The following CCDC141 variants were observed in gnomAD, a reference collection of about 807,000 sequenced individuals.
The protein encoded by CCDC141 is coiled-coil domain-containing protein 141.
CCDC141 carries 168 observed loss-of-function variants against 181.0 expected under a neutral mutation model. That is an observed-to-expected ratio of 0.93 (90% confidence interval 0.82 to 1.05). The LOEUF (loss-of-function observed/expected upper bound fraction) is 1.05. Ranked by LOEUF, CCDC141 falls within the 50% of genes least tolerant of loss-of-function variation. The probability of loss-of-function intolerance (pLI) is 0.00; values close to 1 mark genes in which losing one functional copy is unlikely to be tolerated. For missense variants in CCDC141, 1,902 were observed against 1,788.5 expected (o/e 1.06, Z -1.14); for synonymous variants, 666 against 642.3 (o/e 1.04, Z -0.56).
chr2:178,983,115 T>C (rs992501867), intron 2 of CCDC141, among the ~76,000 whole-genome samples: 4 of 152,174 alleles, frequency 2.6e-5, no homozygotes, highest in Admixed American at 6.5e-5. Flanking sequence ...CAGCTGGAGA[T>C]CTGAGAACTG....
the CCDC141 span, among the ~76,000 whole-genome samples, chr2:178,819,055 T>G: frequency 2.4e-4 from 36 of 152,326 alleles, no homozygotes; most frequent in Non-Finnish European, 4.7e-4. Context: ...TGGGGATCTG[T>G]CTGAGTAAGA....
intron 2 of CCDC141, among the ~76,000 whole-genome samples, chr2:179,037,119 G>T (rs2043166087): frequency 6.6e-6 from 1 of 152,202 alleles, no homozygotes; most frequent in African/African-American, 2.4e-5. Flanking sequence ...ATCTGGCCAG[G>T]TGAGGAGAAA....
chr2:178,815,360 CA>C, the CCDC141 span, among the ~76,000 whole-genome samples: 24 of 152,128 alleles, frequency 1.6e-4, no homozygotes, highest in Non-Finnish European at 3.2e-4. Context: ...ATCTCAGCAG[CA>C]AAAAACTGCT....
Position 178,865,818 on chromosome 2 carries a change from C to A in CCDC141, c.2673G>T (p.Arg891=), listed in dbSNP as rs767273294. 11 of 1,606,388 alleles carry A rather than the reference C, an allele frequency of 6.8e-6. No individual in the cohort carries two copies. Among genetic ancestry groups the A allele is most frequent in the African/African-American group, 2.7e-5 (2 of 74,562 alleles). Residue 891 remains arginine, a synonymous_variant, in exon 17 of 24, where the codon CGG becomes CGT. Coordinates refer to ENST00000443758, the MANE Select transcript of CCDC141 (RefSeq NM_173648.4). ...AGTACTCCACACTACGGGACAGGGT[C>A]CGTCCATACTCCTCAGCTTTGGCAC... is the stretch of plus-strand genomic sequence containing the variant. ...KWRAKAEEYG[R]TLSRSVEYCA... is the part of the protein sequence containing the mutation.
intron 16 of CCDC141, among the ~76,000 whole-genome samples, chr2:178,867,375 C>G (rs1226182777): frequency 6.6e-6 from 1 of 152,190 alleles, no homozygotes; most frequent in East Asian, 1.9e-4. Flanking sequence ...AAAGATAGAG[C>G]AAAATTAATT....
chr2:179,015,454 A>ATATATATCATATATGTG (rs1553503006), intron 2 of CCDC141, among the ~76,000 whole-genome samples: 11 of 97,132 alleles, frequency 1.1e-4, no homozygotes, highest in African/African-American at 4.1e-4. Context: ...TCATATATGT[A>ATATATATCATATATGTG]CCATATATAT....
At chr2:178,893,697 T>C (rs1459607335) in intron 8 of CCDC141, among the ~76,000 whole-genome samples, 1 of 152,098 alleles carries the variant, frequency 6.6e-6, no homozygotes, top group East Asian at 1.9e-4. Flanking sequence ...AAAAGTGCCA[T>C]TTATACTGTA....
chr2:178,926,539 C>G (rs944330399), intron 6 of CCDC141: 5 of 152,148 alleles, frequency 3.3e-5, no homozygotes, highest in Non-Finnish European at 7.3e-5. Context: ...GATTGTTACA[C>G]CAATCCATCA....
the CCDC141 span, among the ~76,000 whole-genome samples, chr2:178,819,671 T>G: frequency 0.19 from 29,058 of 151,992 alleles, 4,644 homozygotes; most frequent in East Asian, 0.74. Flanking sequence ...GAGGTGCTAA[T>G]GACATCTAGT....
chr2:178,837,387 C>T lies in CCDC141; in HGVS notation c.3832G>A (p.Asp1278Asn), dbSNP rs866690253. ...TGACTTGAAAATGTTTCTCTCTTAT[C>T]ATTGCATGCATCCGCAAAGGCAACA... is the stretch of plus-strand genomic sequence containing the variant. ...PPVAFADACN[D>N]KRETFSSHFE... The change falls in exon 23 of 24, where the codon GAT (aspartate) becomes AAT (asparagine). Residue 1278 changes from aspartate to asparagine, a missense_variant. Asp to Asn is a conservative substitution (Grantham distance 23, BLOSUM62 1). Transcript: ENST00000443758. 1.2e-6 allele frequency: 2 copies of T among 1,613,980 alleles called. No homozygotes were observed. Among genetic ancestry groups the T allele is most frequent in the African/African-American group, 2.7e-5 (2 of 74,930 alleles).
In CCDC141 at chr2:178,837,119, T is replaced by C; in HGVS notation, c.4100A>G (p.Asp1367Gly). ...TTGAAACCTGAGGCCCGAGAATGCA[T>C]CAGAGGAAGCATGCAGCCTATCTTG... ...KTQDRLHASS[D>G]AFSGLRFQSG... Residue 1367 changes from aspartate to glycine, a missense_variant, in exon 23 of 24, where the codon GAT (aspartate) becomes GGT (glycine). By Grantham distance (94) the Asp-to-Gly change is moderately conservative. Coordinates refer to ENST00000443758, the MANE Select transcript of CCDC141 (RefSeq NM_173648.4). 5 of 1,613,956 alleles carry C rather than the reference T, an allele frequency of 3.1e-6. No individual in the cohort carries two copies. Among genetic ancestry groups the C allele is most frequent in the East Asian group, 2.2e-5 (1 of 44,816 alleles).
chr2:179,016,930 T>C (rs1033849550), intron 2 of CCDC141, among the ~76,000 whole-genome samples: 2 of 152,040 alleles, frequency 1.3e-5, no homozygotes, highest in African/African-American at 4.8e-5. Context: ...AGGCAAATAT[T>C]TGATACAAAA....
chr2:178,854,843 T>A (rs189521404), intron 19 of CCDC141, among the ~76,000 whole-genome samples: 1 of 152,322 alleles, frequency 6.6e-6, no homozygotes, highest in East Asian at 1.9e-4. Context: ...AACAATAACT[T>A]TAACTTGCCA....
chr2:178,997,185 G>A (rs952973241), intron 2 of CCDC141, among the ~76,000 whole-genome samples: 1 of 152,276 alleles, frequency 6.6e-6, no homozygotes, highest in South Asian at 2.1e-4. Context: ...TACTTCTTCA[G>A]CCTTGGTAAA....
chr2:178,907,598 CTTAA>C (rs1688028093), intron 7 of CCDC141, among the ~76,000 whole-genome samples: 1 of 152,146 alleles, frequency 6.6e-6, no homozygotes, highest in African/African-American at 2.4e-5. Context: ...AGAAAGAGAA[CTTAA>C]TTAAAGAAAC....
intron 6 of CCDC141, among the ~76,000 whole-genome samples, chr2:178,920,297 T>C (rs1265382098): frequency 1.3e-5 from 2 of 152,216 alleles, no homozygotes; most frequent in African/African-American, 2.4e-5. Context: ...TTATATTACA[T>C]TGTGTAAAAT....
intron 5 of CCDC141, among the ~76,000 whole-genome samples, chr2:178,950,224 A>C (rs965002173): frequency 2.0e-5 from 3 of 152,230 alleles, no homozygotes; most frequent in Admixed American, 1.3e-4. Context: ...TCTGGCAATT[A>C]CCAAAAACAC....
intron 6 of CCDC141, chr2:178,926,409 C>G (rs1688910408): frequency 6.6e-6 from 1 of 152,134 alleles, no homozygotes; most frequent in African/African-American, 2.4e-5. Context: ...TTAATGACTT[C>G]TAAATCTAAA....
chr2:178,933,318 A>G (rs1689167260), intron 6 of CCDC141, among the ~76,000 whole-genome samples: 2 of 152,206 alleles, frequency 1.3e-5, no homozygotes, highest in Non-Finnish European at 2.9e-5. Context: ...ATTAAGAGGG[A>G]CATGTACATA....
Sources: allele counts gnomAD v4.1 joint callset (sites outside exome capture counted in the v4.1 genomes callset), GRCh38; gene constraint gnomAD v4.1.1; transcripts MANE v1.5; gene names NCBI Gene and HGNC (gene_info 2026-07-23, HGNC 2026-07-21).